RALYL: variants seen among roughly 807,000 people sequenced by gnomAD.
RALYL encodes the protein RALY RNA binding protein like.
A neutral mutation model predicts 35.1 loss-of-function variants in RALYL; 29 were observed. That is an observed-to-expected ratio of 0.83 (90% CI 0.61 to 1.13). The LOEUF is 1.13. Among genes scored for constraint, RALYL ranks in the 50% most tolerant of loss-of-function variants. The probability of loss-of-function intolerance (pLI) is 0.00; values close to 1 mark genes in which losing one functional copy is unlikely to be tolerated. For synonymous variants in RALYL, 120 were observed against 127.6 expected, an observed-to-expected ratio of 0.94 and a Z score of 0.40; for missense variants, 359 against 360.4, an observed-to-expected ratio of 1.00 and a Z score of 0.03.
At chr8:84,857,261 T>A (rs1229106582) in intron 5 of RALYL, among the ~76,000 whole-genome samples, 1 of 152,162 alleles carries the variant, frequency 6.6e-6, no homozygotes, top group East Asian at 1.9e-4. Flanking sequence ...GGTGAGAATA[T>A]GGCCCTGAAT....
chr8:84,902,466 C>T (rs1461562705), intron 8 of RALYL, among the ~76,000 whole-genome samples: 1 of 152,086 alleles, frequency 6.6e-6, no homozygotes, highest in African/African-American at 2.4e-5. Flanking sequence ...GAGATTTGGA[C>T]GGGGAACACA....
At chr8:84,730,692 G>A (rs1468777896) in intron 2 of RALYL, among the ~76,000 whole-genome samples, 3 of 152,050 alleles carry the variant, frequency 2.0e-5, no homozygotes, top group African/African-American at 7.2e-5. Context: ...CCATGAATGA[G>A]GATCTGTACA....
intron 1 of RALYL, among the ~76,000 whole-genome samples, chr8:84,317,526 A>T (rs1843977249): frequency 6.6e-6 from 1 of 152,100 alleles, no homozygotes; most frequent in South Asian, 2.1e-4. Flanking sequence ...CTTTTCAGGA[A>T]CCCTTAAACA....
At chr8:84,244,512 C>T (rs1023382953) in intron 1 of RALYL, among the ~76,000 whole-genome samples, 2 of 152,150 alleles carry the variant, frequency 1.3e-5, no homozygotes, top group Non-Finnish European at 2.9e-5. Context: ...TTCAATGTCA[C>T]TTTATGTCAC....
intron 8 of RALYL, among the ~76,000 whole-genome samples, chr8:84,896,030 G>C (rs1844686249): frequency 6.6e-6 from 1 of 152,134 alleles, no homozygotes. Flanking sequence ...TATCTCACCT[G>C]TGCTCAGGAG....
rs184972859 is a variant in RALYL, at chr8:84,315,377, T to G, written c.-24+130953T>G. On this transcript the variant is annotated intron_variant, in intron 1 of 8. Transcript: ENST00000521268. ...TTTGCCAAGAGTATGTTTACTTTAA[T>G]TTTTAAAACTATTTGTATATAAAAG... is the stretch of plus-strand genomic sequence containing the variant. Among the ~76,000 whole-genome samples the G allele has an allele frequency of 7.5e-4, 114 of 152,300 alleles. 1 individual carries two copies. Among genetic ancestry groups the G allele is most frequent in the Admixed American group, 3.7e-3 (56 of 15,302 alleles).
intron 1 of RALYL, among the ~76,000 whole-genome samples, chr8:84,236,442 G>C (rs1432097135): frequency 6.6e-6 from 1 of 152,090 alleles, no homozygotes; most frequent in Non-Finnish European, 1.5e-5. Flanking sequence ...GGTTCTGTGG[G>C]GTTCCTTTAT....
At chr8:84,263,542 T>A (rs563463504) in intron 1 of RALYL, among the ~76,000 whole-genome samples, 1 of 152,334 alleles carries the variant, frequency 6.6e-6, no homozygotes, top group Non-Finnish European at 1.5e-5. Flanking sequence ...AAATCTGTAG[T>A]TGTTAACCAA....
At chr8:84,826,077 T>C (rs1829621687) in intron 4 of RALYL, among the ~76,000 whole-genome samples, 1 of 152,016 alleles carries the variant, frequency 6.6e-6, no homozygotes, top group South Asian at 2.1e-4. Flanking sequence ...TGAATGTTCT[T>C]ACTCATAACA....
intron 2 of RALYL, among the ~76,000 whole-genome samples, chr8:84,734,218 C>G (rs937810925): frequency 6.6e-6 from 1 of 152,104 alleles, no homozygotes; most frequent in Non-Finnish European, 1.5e-5. Context: ...TTGTGCATAT[C>G]ACCCCTTAAT....
intron 2 of RALYL, among the ~76,000 whole-genome samples, chr8:84,552,369 T>A (rs1424917815): frequency 1.6e-5 from 2 of 126,152 alleles, no homozygotes; most frequent in East Asian, 2.3e-4. Context: ...TTTTTTTTTT[T>A]TTTTTTTTTT....
intron 1 of RALYL, among the ~76,000 whole-genome samples, chr8:84,197,850 CTT>C (rs912942667): frequency 1.3e-5 from 2 of 151,428 alleles, no homozygotes; most frequent in African/African-American, 2.4e-5. Flanking sequence ...TTATTTCACT[CTT>C]TTTTGTTTGT....
chr8:84,651,901 G>GA (rs1295062476), intron 2 of RALYL, among the ~76,000 whole-genome samples: 2 of 152,050 alleles, frequency 1.3e-5, no homozygotes, highest in East Asian at 3.9e-4. Context: ...TAAAAGAGTA[G>GA]AAAAAACGTC....
intron 2 of RALYL, among the ~76,000 whole-genome samples, chr8:84,628,978 G>T (rs1212807489): frequency 6.6e-6 from 1 of 151,944 alleles, no homozygotes; most frequent in African/African-American, 2.4e-5. Context: ...TGCCATTATA[G>T]ACATCTCAAC....
At chr8:84,582,732 A>G (rs1436820985) in intron 2 of RALYL, among the ~76,000 whole-genome samples, 1 of 152,038 alleles carries the variant, frequency 6.6e-6, no homozygotes, top group Non-Finnish European at 1.5e-5. Flanking sequence ...TCCATTGCTA[A>G]CAAAATAACT....
chr8:84,620,783 C>A (rs1197950963), intron 2 of RALYL, among the ~76,000 whole-genome samples: 1 of 151,922 alleles, frequency 6.6e-6, no homozygotes, highest in Non-Finnish European at 1.5e-5. Context: ...GTGTGGATGT[C>A]CTTTCTGTTT....
At chr8:84,559,764 G>A (rs893127636) in intron 2 of RALYL, among the ~76,000 whole-genome samples, 1 of 151,956 alleles carries the variant, frequency 6.6e-6, no homozygotes, top group African/African-American at 2.4e-5. Context: ...GACATCTCAG[G>A]ATATGACCAA....
At chr8:84,426,464 G>GTGTT (rs2046462264) in intron 1 of RALYL, among the ~76,000 whole-genome samples, 1 of 151,116 alleles carries the variant, frequency 6.6e-6, no homozygotes. Context: ...GTGTGTGTGT[G>GTGTT]TGTGTGTGTG....
At position 84,184,200 on chromosome 8, in the gene RALYL, T is replaced by C. The variant is rs1412618337; in HGVS notation, c.-248T>C. 2 of 152,204 alleles carry C rather than the reference T, an allele frequency of 1.3e-5. No individual in the cohort carries two copies. Among genetic ancestry groups the C allele is most frequent in the Non-Finnish European group, 2.9e-5 (2 of 68,038 alleles). 9.4% of individuals were successfully genotyped at this position (152,204 alleles called of 1,614,324 possible). On this transcript the variant is annotated 5_prime_UTR_variant, in exon 1 of 9. The change abolishes an upstream ATG in the 5' untranslated region. Coordinates refer to ENST00000521268, the MANE Select transcript of RALYL (RefSeq NM_173848.7). The stretch of plus-strand genomic sequence containing the variant: ...CTTTTTTCCTCCTTTAAATTAACTA[T>C]GACTTTTGCACATTTGACTTTTTTA...
Sources: allele counts gnomAD v4.1 joint callset (sites outside exome capture counted in the v4.1 genomes callset), GRCh38; gene constraint gnomAD v4.1.1; transcripts MANE v1.5; gene names NCBI Gene and HGNC (gene_info 2026-07-23, HGNC 2026-07-21).